Variants in ASTN2 observed in about 807,000 individuals in gnomAD.
ASTN2 encodes astrotactin-2.
A neutral mutation model predicts 139.8 loss-of-function variants in ASTN2; 54 were observed. That is an observed-to-expected ratio of 0.39 (90% CI 0.31 to 0.48). The LOEUF (loss-of-function observed/expected upper bound fraction) is 0.48. Ranked by LOEUF, ASTN2 falls within the 20% of genes least tolerant of loss-of-function variation. The probability of loss-of-function intolerance (pLI) is 0.95; values close to 1 mark genes in which losing one functional copy is unlikely to be tolerated. For synonymous variants in ASTN2, 756 were observed against 719.5 expected (o/e 1.05, Z -0.81); for missense variants, 1,565 against 1,725.1 (o/e 0.91, Z 1.64).
At chr9:117,247,573 G>A (rs1164895097) in intron 2 of ASTN2, among the ~76,000 whole-genome samples, 1 of 152,188 alleles carries the variant, frequency 6.6e-6, no homozygotes, top group East Asian at 1.9e-4. Flanking sequence ...ATAAAACTTA[G>A]TTTCTGCTGT....
At chr9:116,472,761 A>C (rs1403974723) in intron 20 of ASTN2, among the ~76,000 whole-genome samples, 1 of 145,284 alleles carries the variant, frequency 6.9e-6, no homozygotes, top group Non-Finnish European at 1.5e-5. Context: ...AAAAAAAAAA[A>C]AATAGCCATG....
At chr9:117,407,934 C>T (rs1831044499) in intron 1 of ASTN2, among the ~76,000 whole-genome samples, 1 of 152,158 alleles carries the variant, frequency 6.6e-6, no homozygotes, top group Admixed American at 6.5e-5. Context: ...TGCTCCACCC[C>T]AAGGTTAAAC....
At chr9:117,377,882 A>G (rs1401645486) in intron 1 of ASTN2, among the ~76,000 whole-genome samples, 1 of 152,180 alleles carries the variant, frequency 6.6e-6, no homozygotes, top group Non-Finnish European at 1.5e-5. Flanking sequence ...TCTGTATTGG[A>G]GGAAATGACA....
chr9:116,695,117 T>TA (rs762478436), intron 16 of ASTN2, among the ~76,000 whole-genome samples: 3 of 152,144 alleles, frequency 2.0e-5, no homozygotes, highest in Non-Finnish European at 2.9e-5. Context: ...TATGTGACAG[T>TA]AAAAAATAGC....
At chr9:116,510,467 AT>A (rs770771754) in intron 19 of ASTN2, among the ~76,000 whole-genome samples, 3 of 151,900 alleles carry the variant, frequency 2.0e-5, no homozygotes, top group African/African-American at 4.8e-5. Flanking sequence ...TTTGCTTAGG[AT>A]TGTCTTGGCA....
chr9:117,332,913 A>G (rs1828758004), intron 1 of ASTN2, among the ~76,000 whole-genome samples: 1 of 152,216 alleles, frequency 6.6e-6, no homozygotes, highest in Non-Finnish European at 1.5e-5. Flanking sequence ...AATACTCTGT[A>G]TTATATGATT....
intron 19 of ASTN2, among the ~76,000 whole-genome samples, chr9:116,502,132 G>T (rs1849879013): frequency 6.7e-6 from 1 of 149,960 alleles, no homozygotes; most frequent in Non-Finnish European, 1.5e-5. Flanking sequence ...GAGAGAGGTA[G>T]ATTTCCAAAT....
At chr9:117,351,237 AAACCTT>A (rs1158819989) in intron 1 of ASTN2, among the ~76,000 whole-genome samples, 1 of 152,184 alleles carries the variant, frequency 6.6e-6, no homozygotes. Flanking sequence ...CCCAGCTCAA[AAACCTT>A]AATACCTACC....
intron 1 of ASTN2, among the ~76,000 whole-genome samples, chr9:117,349,839 C>A (rs1217129133): frequency 6.6e-6 from 1 of 152,184 alleles, no homozygotes; most frequent in African/African-American, 2.4e-5. Flanking sequence ...GACTTCACCT[C>A]TGGCCAGTGC....
intron 1 of ASTN2, among the ~76,000 whole-genome samples, chr9:117,413,897 G>A (rs1472699715): frequency 6.6e-6 from 1 of 152,168 alleles, no homozygotes; most frequent in Non-Finnish European, 1.5e-5. Context: ...AGTCTCTCCA[G>A]CCCTATTTCA....
Position 117,141,397 on chromosome 9 carries a change from T to C in ASTN2, c.1097A>G (p.Glu366Gly), listed in dbSNP as rs1830071561. 1 of 1,367,526 alleles carries C rather than the reference T, an allele frequency of 7.3e-7. No homozygotes were observed. Among genetic ancestry groups the C allele is most frequent in the Non-Finnish European group, 9.8e-7 (1 of 1,021,842 alleles). The allele number at this position is 1,367,526 out of a possible 1,614,324, so 84.7% of individuals were successfully genotyped here. ...KESFRANTPIEIGQLQPPLRS... is the reference protein window; with the variant it reads ...KESFRANTPIGIGQLQPPLRS... ...CAGGGGTGGTTGCAGCTGACCGATC[T>C]CGATGGGCGTGTTAGCGCGGAAACT... Residue 366 changes from glutamate (E) to glycine (G), a missense_variant, in exon 4 of 23, where the codon GAG becomes GGG. Transcript: ENST00000313400.
chr9:117,318,593 A>T (rs1210462766), intron 1 of ASTN2, among the ~76,000 whole-genome samples: 1 of 152,204 alleles, frequency 6.6e-6, no homozygotes, highest in Non-Finnish European at 1.5e-5. Flanking sequence ...ACTCTGAAGA[A>T]TAAGCCACAC....
intron 8 of ASTN2, 29 bp downstream of exon 8, chr9:116,976,672 T>A (rs199562568): frequency 6.2e-7 from 1 of 1,610,504 alleles, no homozygotes; most frequent in Non-Finnish European, 8.5e-7. Context: ...TCCTGCACTG[T>A]CCTGGACCTG....
Position 116,643,592 on chromosome 9 carries a change from T to G in ASTN2, c.3072+7936A>C, listed in dbSNP as rs756789205. Among the ~76,000 whole-genome samples, 8 of 152,228 alleles carry G rather than the reference T, an allele frequency of 5.3e-5. 1 individual carries two copies. The highest frequency in any genetic ancestry group is 2.4e-5 in the African/African-American group (1 of 41,462). On this transcript the variant is annotated intron_variant, in intron 17 of 22. Transcript: ENST00000313400. ...AAGCTTCTCTGGGGTTCCATCTCCT[T>G]ATCTGTTAGATAAGGATAATAATAG...
Position 117,208,765 on chromosome 9 carries a change from G to T in ASTN2, c.1015+5593C>A, listed in dbSNP as rs180674164. On this transcript the variant is annotated intron_variant, in intron 3 of 22. Coordinates refer to ENST00000313400, the MANE Select transcript of ASTN2 (RefSeq NM_001365068.1). Reference sequence around the variant, plus strand: ...AGAAAAAAGTCAGGTCACATAAAAGGGAATTTTCATTAAAGTAACAGTGGA... The same window carrying T: ...AGAAAAAAGTCAGGTCACATAAAAGTGAATTTTCATTAAAGTAACAGTGGA... 9.9e-5 allele frequency among the ~76,000 whole-genome samples: 15 copies of T among 152,164 alleles called. No homozygotes were observed. In the East Asian group the frequency reaches 2.9e-3, roughly 29 times the overall value.
At chr9:116,834,973 T>C (rs1361010919) in intron 11 of ASTN2, among the ~76,000 whole-genome samples, 1 of 152,128 alleles carries the variant, frequency 6.6e-6, no homozygotes, top group Admixed American at 6.5e-5. Flanking sequence ...CGCTTGAGCC[T>C]AAGAAGTCGA....
chr9:116,975,803 A>G (rs1836326837), intron 9 of ASTN2, among the ~76,000 whole-genome samples: 1 of 152,196 alleles, frequency 6.6e-6, no homozygotes, highest in African/African-American at 2.4e-5. Flanking sequence ...AGTTTTACAC[A>G]AGATTTTGTG....
chr9:116,556,721 C>T (rs1415442705), intron 19 of ASTN2, among the ~76,000 whole-genome samples: 11 of 152,092 alleles, frequency 7.2e-5, no homozygotes, highest in Non-Finnish European at 1.6e-4. Context: ...TAAGTTTAAC[C>T]CCATAACTCT....
chr9:117,283,116 T>C (rs1438598826), intron 2 of ASTN2, among the ~76,000 whole-genome samples: 2 of 152,194 alleles, frequency 1.3e-5, no homozygotes, highest in East Asian at 3.9e-4. Flanking sequence ...TAGCCTGCAT[T>C]TCTATAGCCG....
Sources: allele counts gnomAD v4.1 joint callset (sites outside exome capture counted in the v4.1 genomes callset), GRCh38; gene constraint gnomAD v4.1.1; transcripts MANE v1.5; gene names NCBI Gene and HGNC (gene_info 2026-07-23, HGNC 2026-07-21).